PDE1C: variants seen among roughly 807,000 people sequenced by gnomAD.
PDE1C encodes the protein dual specificity calcium/calmodulin-dependent 3',5'-cyclic nucleotide phosphodiesterase 1C.
In PDE1C, 62 loss-of-function variants were observed where a neutral mutation model predicts 93.1. The ratio of observed to expected loss-of-function variants is 0.67; its 90% CI spans 0.54 to 0.82. PDE1C has a LOEUF of 0.82. Among genes scored for constraint, PDE1C ranks in the 40% least tolerant of loss-of-function variants. The probability of loss-of-function intolerance (pLI) is 0.00; values close to 1 mark genes in which losing one functional copy is unlikely to be tolerated. For missense variants in PDE1C, 742 were observed against 884.6 expected (o/e 0.84, Z 2.04); for synonymous variants, 325 against 310.1 (o/e 1.05, Z -0.50).
intron 2 of PDE1C, among the ~76,000 whole-genome samples, chr7:32,200,515 A>G (rs1031465912): frequency 6.6e-6 from 1 of 152,214 alleles, no homozygotes; most frequent in Non-Finnish European, 1.5e-5. Context: ...TATTAGAAAC[A>G]TAGACCTTGT....
chr7:32,149,769 C>A (rs973462970), intron 3 of PDE1C, among the ~76,000 whole-genome samples: 2 of 152,156 alleles, frequency 1.3e-5, no homozygotes, highest in African/African-American at 4.8e-5. Flanking sequence ...CAATGAGTGG[C>A]ATTTTCTCCT....
the PDE1C span, among the ~76,000 whole-genome samples, chr7:31,624,802 C>T: frequency 8.5e-5 from 13 of 152,064 alleles, no homozygotes; most frequent in African/African-American, 3.1e-4. Context: ...AGCTTCTGCA[C>T]AGCAAAAGAA....
chr7:32,046,155 A>G (rs1443457458), intron 2 of PDE1C, among the ~76,000 whole-genome samples: 2 of 152,070 alleles, frequency 1.3e-5, no homozygotes, highest in East Asian at 3.9e-4. Flanking sequence ...ACATGTCTGT[A>G]TCCTGGGCTG....
chr7:31,672,844 C>T, the PDE1C span, among the ~76,000 whole-genome samples: 2 of 152,246 alleles, frequency 1.3e-5, no homozygotes, highest in African/African-American at 4.8e-5. Flanking sequence ...TCCCATGTGT[C>T]GATGGAGAGA....
At chr7:31,780,085 A>C (rs1783291163) in intron 16 of PDE1C, among the ~76,000 whole-genome samples, 1 of 152,142 alleles carries the variant, frequency 6.6e-6, no homozygotes, top group South Asian at 2.1e-4. Context: ...TAGAATCATC[A>C]GGGGAGTTCT....
chr7:32,050,448 G>A (rs934621729), intron 2 of PDE1C, among the ~76,000 whole-genome samples: 22 of 152,226 alleles, frequency 1.4e-4, no homozygotes, highest in African/African-American at 3.9e-4. Flanking sequence ...ATTGTCCAAT[G>A]AAATTTGTGA....
rs1277142066 is a variant in PDE1C at position 31,868,072 on chromosome 7, A to G, written c.610-2990T>C. ...TCTTCCCATGTGAAAGCAAATTTTA[A>G]AAATGGAAATAAGTGACTGTTTAAC... On this transcript the variant is annotated intron_variant, in intron 6 of 17. Transcript: ENST00000396191. 2.0e-5 allele frequency among the ~76,000 whole-genome samples: 3 copies of G among 152,234 alleles called. No individual in the cohort carries two copies. The East Asian group carries it at 5.8e-4, about 29-fold the overall frequency.
At chr7:31,647,399 C>T in the PDE1C span, among the ~76,000 whole-genome samples, 3 of 151,920 alleles carry the variant, frequency 2.0e-5, no homozygotes, top group Non-Finnish European at 4.4e-5. Context: ...TGGTGGCTCA[C>T]GCCTGTAATC....
At chr7:32,269,321 G>A (rs1810809202) in intron 1 of PDE1C, among the ~76,000 whole-genome samples, 1 of 152,160 alleles carries the variant, frequency 6.6e-6, no homozygotes, top group Non-Finnish European at 1.5e-5. Context: ...CCACATTTAT[G>A]AGTAGCAAAA....
At chr7:31,637,656 A>G in the PDE1C span, among the ~76,000 whole-genome samples, 1 of 152,098 alleles carries the variant, frequency 6.6e-6, no homozygotes. Flanking sequence ...AGATGAGTAG[A>G]TTGCGAAAAT....
At chr7:31,677,521 T>C in the PDE1C span, among the ~76,000 whole-genome samples, 1 of 152,218 alleles carries the variant, frequency 6.6e-6, no homozygotes, top group Non-Finnish European at 1.5e-5. Flanking sequence ...TAATTCATCA[T>C]ACTAATCAAG....
At chr7:32,422,789 G>T (rs1785458575) in intron 1 of PDE1C, among the ~76,000 whole-genome samples, 1 of 152,076 alleles carries the variant, frequency 6.6e-6, no homozygotes, top group Non-Finnish European at 1.5e-5. Flanking sequence ...CCAGATTAAA[G>T]GCATCACTGG....
chr7:32,318,447 C>T (rs1783218127), intron 1 of PDE1C, among the ~76,000 whole-genome samples: 1 of 151,944 alleles, frequency 6.6e-6, no homozygotes, highest in South Asian at 2.1e-4. Flanking sequence ...GAGCGGCTCT[C>T]CCTCCGCCGC....
At chr7:31,802,532 A>G (rs1786198948) in intron 16 of PDE1C, among the ~76,000 whole-genome samples, 1 of 151,660 alleles carries the variant, frequency 6.6e-6, no homozygotes, top group Non-Finnish European at 1.5e-5. Flanking sequence ...TCTTTTGTAC[A>G]GATCTATATT....
intron 2 of PDE1C, among the ~76,000 whole-genome samples, chr7:31,995,536 A>C (rs1784616679): frequency 6.6e-6 from 1 of 152,146 alleles, no homozygotes; most frequent in Non-Finnish European, 1.5e-5. Flanking sequence ...CATAATTATC[A>C]TATTATGTTC....
At chr7:31,719,871 G>A in the PDE1C span, among the ~76,000 whole-genome samples, 19 of 152,262 alleles carry the variant, frequency 1.2e-4, no homozygotes, top group African/African-American at 3.6e-4. Context: ...ATTGTCAAAT[G>A]TTCGGGGGAT....
At chr7:32,323,679 AAG>A (rs1783345996) in intron 1 of PDE1C, among the ~76,000 whole-genome samples, 1 of 152,178 alleles carries the variant, frequency 6.6e-6, no homozygotes, top group Admixed American at 6.5e-5. Context: ...AAAAGACTCT[AAG>A]GGAATACAGA....
exon 1 of PDE1C, chr7:32,298,748 C>A: frequency 1.9e-6 from 3 of 1,580,592 alleles, no homozygotes; most frequent in South Asian, 2.3e-5. Context: ...CTCGGCCGGC[C>A]GGGCAGGGGC....
intron 2 of PDE1C, among the ~76,000 whole-genome samples, chr7:32,030,919 C>T (rs1790221733): frequency 6.6e-6 from 1 of 152,052 alleles, no homozygotes; most frequent in Non-Finnish European, 1.5e-5. Context: ...CTAAGTTTCT[C>T]TTGTCACTGT....
Sources: allele counts gnomAD v4.1 joint callset (sites outside exome capture counted in the v4.1 genomes callset), GRCh38; gene constraint gnomAD v4.1.1; transcripts MANE v1.5; gene names NCBI Gene and HGNC (gene_info 2026-07-23, HGNC 2026-07-21).